Variants in PLEKHJ1 observed in about 807,000 individuals in gnomAD.
PLEKHJ1 encodes the protein pleckstrin homology domain containing J1.
Under a neutral mutation model 21.7 loss-of-function variants are expected in PLEKHJ1, and 20 were observed. The ratio of observed to expected loss-of-function variants is 0.92; its 90% CI spans 0.65 to 1.34. PLEKHJ1 has a LOEUF of 1.34. PLEKHJ1 is among the 40% of genes most tolerant of loss of function. The pLI, the probability that PLEKHJ1 is intolerant of heterozygous loss-of-function variation, is 0.00. For synonymous variants in PLEKHJ1, 113 were observed against 80.6 expected (o/e 1.40, Z -2.15); for missense variants, 241 against 202.0 (o/e 1.19, Z -1.17).
downstream of PLEKHJ1, chr19:2,231,557 C>T (rs755302645): frequency 6.9e-5 from 14 of 203,508 alleles, no homozygotes; most frequent in East Asian, 4.5e-4. Flanking sequence ...GATGGTGCTC[C>T]GGACCTGTCC....
rs1219135865 is a variant in PLEKHJ1 at position 2,235,908 on chromosome 19, C to T, written c.162+15G>A. On this transcript the variant is annotated intron_variant, in intron 2 of 5. Coordinates refer to ENST00000326631, the MANE Select transcript of PLEKHJ1 (RefSeq NM_018049.3). ...CCCAGCCTGGGACCCGCCCGCGCGC[C>T]CGGGACGCCCCTACCTCGGCCTCGT... 1.2e-6 allele frequency: 2 copies of T among 1,607,500 alleles called. No homozygotes were observed. The highest frequency in any genetic ancestry group is 1.7e-5 in the Admixed American group (1 of 59,562).
intron 3 of PLEKHJ1, chr19:2,235,440 C>T (rs2024769742): frequency 2.5e-6 from 1 of 403,100 alleles, no homozygotes; most frequent in Non-Finnish European, 4.5e-6. Context: ...AATGCTAGAC[C>T]CATGCTACTC....
At chr19:2,232,526 A>G (rs1312452439), downstream of PLEKHJ1, 1 of 218,294 alleles carries the variant, frequency 4.6e-6, no homozygotes, top group Non-Finnish European at 9.2e-6. Flanking sequence ...GCACCCCTGC[A>G]TTCTGCATCC....
chr19:2,235,777 C>T lies in PLEKHJ1; in HGVS notation c.214G>A (p.Gly72Ser), dbSNP rs767860336. Residue 72 changes from glycine (G) to serine (S), a missense_variant, in exon 3 of 6, where the codon GGC becomes AGC. Coordinates refer to ENST00000326631, the MANE Select transcript of PLEKHJ1 (RefSeq NM_018049.3). ...ERCRVVREEP[G>S]TFSISFIEDP... is the part of the protein sequence containing the mutation. Reference sequence around the variant, plus strand: ...CCCCACTCACTGATGGAGAAGGTGCCGGGCTCTTCCCGGACGACTCTGCAG... The same window carrying T: ...CCCCACTCACTGATGGAGAAGGTGCTGGGCTCTTCCCGGACGACTCTGCAG... The T allele has an allele frequency of 2.6e-6, 4 of 1,549,216 alleles. No individual in the cohort carries two copies. Among genetic ancestry groups the T allele is most frequent in the Non-Finnish European group, 2.6e-6 (3 of 1,146,682 alleles).
At chr19:2,230,645 A>G (rs1462330874), downstream of PLEKHJ1, 19 of 398,590 alleles carry the variant, frequency 4.8e-5, no homozygotes, top group South Asian at 1.3e-4. Context: ...AATGAGTGGC[A>G]GTATTTTATA....
At chr19:2,232,282 C>T (rs879187737), downstream of PLEKHJ1, 2 of 216,632 alleles carry the variant, frequency 9.2e-6, no homozygotes, top group South Asian at 3.7e-4. Context: ...AAGACTTCCC[C>T]CTTAATTTAT....
At position 2,234,029 on chromosome 19, in the gene PLEKHJ1, T is replaced by A; in HGVS notation, c.353A>T (p.Tyr118Phe). The A allele has an allele frequency of 6.2e-7, 1 of 1,613,516 alleles. No homozygotes were observed. The highest frequency in any genetic ancestry group is 8.5e-7 in the Non-Finnish European group (1 of 1,180,002). ...YEFMRRSLIF[Y>F]RNEIRKVTGK... Reference sequence around the variant, plus strand: ...CGTCACCTTCCGGATTTCGTTCCTGTAGAAGATGAGGCTTCTCCGCATGAA... The same window carrying A: ...CGTCACCTTCCGGATTTCGTTCCTGAAGAAGATGAGGCTTCTCCGCATGAA... Residue 118 changes from tyrosine (Y) to phenylalanine (F), a missense_variant, in exon 5 of 6, where the codon TAC (tyrosine) becomes TTC (phenylalanine). By Grantham distance (22) the Tyr-to-Phe change is conservative (BLOSUM62 3). Transcript: ENST00000326631.
At chr19:2,232,400 G>A (rs2024644893), downstream of PLEKHJ1, 1 of 215,304 alleles carries the variant, frequency 4.6e-6, no homozygotes, top group African/African-American at 2.4e-5. Flanking sequence ...ACACGCTGCT[G>A]GTCTGTGTCA....
In PLEKHJ1 at chr19:2,233,553, TCCAAA is replaced by T; in HGVS notation, c.*282_*286del. On this transcript the variant is annotated 3_prime_UTR_variant, in exon 6 of 6. Coordinates refer to ENST00000326631, the MANE Select transcript of PLEKHJ1 (RefSeq NM_018049.3). ...CACCTGGCTTCAGGCTTTGGATGTC[TCCAAA>T]CCAAAAACCTCCCACTGAAAATCCA... The T allele has an allele frequency of 1.9e-6, 1 of 524,502 alleles. No individual in the cohort carries two copies. The highest frequency in any genetic ancestry group is 3.4e-6 in the Non-Finnish European group (1 of 295,976). 32.5% of individuals were successfully genotyped at this position (524,502 alleles called of 1,614,324 possible).
chr19:2,231,694 A>C (rs1476335438), downstream of PLEKHJ1: 2 of 213,856 alleles, frequency 9.4e-6, no homozygotes, highest in African/African-American at 4.5e-5. Flanking sequence ...CTGTGTCGCC[A>C]CGGGCCGGAT....
intron 3 of PLEKHJ1, chr19:2,234,991 C>T (rs1474135845): frequency 6.6e-6 from 1 of 152,102 alleles, no homozygotes. Flanking sequence ...CATACCAAGA[C>T]CCTGTCTCAA....
At position 2,234,190 on chromosome 19, in the gene PLEKHJ1, C is replaced by A. The variant is rs977620061; in HGVS notation, c.280G>T (p.Glu94Ter). Residue 94 changes from glutamate to a stop codon, truncating the protein, a stop_gained, in exon 4 of 6, where the codon GAG (glutamate) becomes TAG (stop). Transcript: ENST00000326631. LOFTEE classifies it high-confidence loss of function. ...GCCTCCATCCACTCCTGACACTGCTCCTCGCTGCTGCACTCAAAGTGATAC... is the reference window on the plus strand; with the variant it reads ...GCCTCCATCCACTCCTGACACTGCTACTCGCTGCTGCACTCAAAGTGATAC... ...RKYHFECSSE[E>*]QCQEWMEALR... The A allele has an allele frequency of 8.1e-6, 13 of 1,613,146 alleles. No homozygotes were observed. The highest frequency in any genetic ancestry group is 1.1e-5 in the Non-Finnish European group (13 of 1,180,006).
At chr19:2,235,605 C>T (rs1037059231) in intron 3 of PLEKHJ1, 157 bp downstream of exon 3, 1 of 647,214 alleles carries the variant, frequency 1.5e-6, no homozygotes. Flanking sequence ...AGAACTTGAC[C>T]TTGAGCTGCC....
chr19:2,235,676 C>T (rs1257374824), intron 3 of PLEKHJ1, 86 bp downstream of exon 3: 1 of 1,233,644 alleles, frequency 8.1e-7, no homozygotes, highest in Admixed American at 2.2e-5. Context: ...ACAGAGGAGA[C>T]CTTGGGCGCC....
At position 2,234,034 on chromosome 19, in the gene PLEKHJ1, G is replaced by C. The variant is rs774862796; in HGVS notation, c.348C>G (p.Ile116Met). The C allele has an allele frequency of 1.9e-6, 3 of 1,613,422 alleles. No individual in the cohort carries two copies. The highest frequency in any genetic ancestry group is 1.1e-5 in the South Asian group (1 of 91,084). ...ASYEFMRRSL[I>M]FYRNEIRKVT... is the part of the protein sequence containing the mutation. ...CCTTCCGGATTTCGTTCCTGTAGAA[G>C]ATGAGGCTTCTCCGCATGAACTCGT... The change falls in exon 5 of 6, where the codon ATC becomes ATG. Residue 116 changes from isoleucine (I) to methionine (M), a missense_variant. Coordinates refer to ENST00000326631, the MANE Select transcript of PLEKHJ1 (RefSeq NM_018049.3).
downstream of PLEKHJ1, chr19:2,230,620 GGA>G (rs2024560018): frequency 5.0e-6 from 2 of 398,530 alleles, no homozygotes; most frequent in African/African-American, 2.1e-5. Flanking sequence ...TTTCTGTACA[GGA>G]GAGAGTCACA....
At chr19:2,234,354 A>AC (rs1256099057) in intron 3 of PLEKHJ1, 114 bp from the exon 4 acceptor site, 2 of 707,128 alleles carry the variant, frequency 2.8e-6, no homozygotes, top group South Asian at 1.7e-5. Context: ...TCATGTCCTG[A>AC]CCCCCCAGAA....
At chr19:2,230,293 GGCCCGTC>G (rs2024542944), downstream of PLEKHJ1, 1 of 417,510 alleles carries the variant, frequency 2.4e-6, no homozygotes, top group African/African-American at 2.1e-5. Context: ...ACCAAAGGCA[GGCCCGTC>G]GCCACCACAT....
Position 2,235,960 on chromosome 19 carries a change from A to T in PLEKHJ1, c.125T>A (p.Val42Glu). The change falls in exon 2 of 6, where the codon GTG (valine) becomes GAG (glutamate). Residue 42 changes from valine to glutamate, a missense_variant. Val to Glu is a moderately radical substitution (Grantham distance 121). Coordinates refer to ENST00000326631, the MANE Select transcript of PLEKHJ1 (RefSeq NM_018049.3). Reference sequence around the variant, plus strand: ...TGTCCGAAAGTAGAAGAGGAAATTCACCACCAGCTTCACCAGCCGCCGCTT... The same window carrying T: ...TGTCCGAAAGTAGAAGAGGAAATTCTCCACCAGCTTCACCAGCCGCCGCTT... ...VLKRRLVKLV[V>E]NFLFYFRTDE... is the part of the protein sequence containing the mutation. The T allele has an allele frequency of 6.2e-7, 1 of 1,609,792 alleles. No homozygotes were observed. Among genetic ancestry groups the T allele is most frequent in the Non-Finnish European group, 8.5e-7 (1 of 1,178,828 alleles).
Sources: allele counts gnomAD v4.1 joint callset, GRCh38; gene constraint gnomAD v4.1.1; transcripts MANE v1.5; gene names NCBI Gene and HGNC (gene_info 2026-07-23, HGNC 2026-07-21).